LRRC73: variants seen among roughly 807,000 people sequenced by gnomAD.
The protein encoded by LRRC73 is leucine-rich repeat-containing protein 73.
LRRC73 carries 16 observed loss-of-function variants against 26.4 expected under a neutral mutation model. The ratio of observed to expected loss-of-function variants is 0.61; its 90% CI spans 0.41 to 0.92. The LOEUF (loss-of-function observed/expected upper bound fraction) is 0.92. Ranked by LOEUF, LRRC73 falls within the 40% of genes least tolerant of loss-of-function variation. LRRC73 has a pLI of 0.00. For missense variants in LRRC73, 344 were observed against 416.3 expected (o/e 0.83, Z 1.51); for synonymous variants, 210 against 179.8 (o/e 1.17, Z -1.34).
chr6:43,507,716 T>C, intron 4 of LRRC73, 38 bp from the exon 5 acceptor site: 1 of 1,604,868 alleles, frequency 6.2e-7, no homozygotes, highest in Non-Finnish European at 8.5e-7. Context: ...ATGAACACAG[T>C]TAAGGCAGGT....
intron 3 of LRRC73, 61 bp downstream of exon 3, chr6:43,508,237 C>T (rs894298842): frequency 3.2e-6 from 5 of 1,548,158 alleles, no homozygotes; most frequent in African/African-American, 2.7e-5. Context: ...AACTGATGGT[C>T]CCAGGCTCTT....
At position 43,509,038 on chromosome 6, in the gene LRRC73, G is replaced by A. The variant is rs113044576; in HGVS notation, c.273-118C>T. The A allele has an allele frequency of 1.7e-4, 178 of 1,051,726 alleles. 2 individuals are homozygous for A. In the African/African-American group the frequency reaches 2.5e-3, roughly 15 times the overall value. The allele number at this position is 1,051,726 out of a possible 1,614,324, so 65.1% of individuals were successfully genotyped here. Reference sequence around the variant, plus strand: ...GGAGGGCAGTCACAGCGCTTGAGAGGCCTGGAAAAGGAGAAGGAAAGTTCT... The same window carrying A: ...GGAGGGCAGTCACAGCGCTTGAGAGACCTGGAAAAGGAGAAGGAAAGTTCT... On this transcript the variant is annotated intron_variant, in intron 1 of 5. Coordinates refer to ENST00000372441, the Ensembl canonical transcript of LRRC73.
At chr6:43,507,090 T>G (rs1362617414) in exon 6 of LRRC73, 4 of 787,838 alleles carry the variant, frequency 5.1e-6, no homozygotes, top group Non-Finnish European at 8.3e-6. Context: ...CAGAGCTTCC[T>G]TCCCACCACA....
chr6:43,507,067 C>CA (rs1792511876), exon 6 of LRRC73: 1 of 676,736 alleles, frequency 1.5e-6, no homozygotes, highest in African/African-American at 1.8e-5. Flanking sequence ...GGCTGTTGCT[C>CA]AGTCACAGCT....
intron 5 of LRRC73, 34 bp from the exon 6 acceptor site, chr6:43,507,342 T>A (rs370203340): frequency 6.2e-7 from 1 of 1,612,666 alleles, no homozygotes; most frequent in Non-Finnish European, 8.5e-7. Flanking sequence ...CAGACCACCA[T>A]TCCTTCCTCC....
chr6:43,510,299 A>C (rs974660627), exon 1 of LRRC73: 1 of 152,896 alleles, frequency 6.5e-6, no homozygotes, highest in Non-Finnish European at 1.5e-5. Context: ...GCTGGCAGAG[A>C]GAGCCTGAGG....
At chr6:43,508,762 G>C (rs575079525) in exon 2 of LRRC73, 4 of 1,608,392 alleles carry the variant, frequency 2.5e-6, no homozygotes, top group South Asian at 1.1e-5. Flanking sequence ...CTGCTCACCA[G>C]ATTTGGCCCC....
chr6:43,508,684 C>A, intron 2 of LRRC73, 76 bp downstream of exon 2: 2 of 1,518,580 alleles, frequency 1.3e-6, no homozygotes, highest in South Asian at 2.5e-5. Flanking sequence ...AGCTCTGGGG[C>A]CACACCCCCT....
At chr6:43,510,339 C>T (rs1286723131) in exon 1 of LRRC73, 3 of 152,478 alleles carry the variant, frequency 2.0e-5, no homozygotes, top group African/African-American at 7.2e-5. Context: ...CCGGCTCCAG[C>T]TCCAGAGAGC....
At chr6:43,507,364 CAGAT>C (rs1792524375) in intron 5 of LRRC73, 56 bp from the exon 6 acceptor site, 14 of 1,610,430 alleles carry the variant, frequency 8.7e-6, no homozygotes, top group Non-Finnish European at 1.2e-5. Context: ...ATGGGGACCA[CAGAT>C]AGGTGAGAGC....
exon 1 of LRRC73, chr6:43,509,873 G>T: frequency 8.1e-7 from 1 of 1,229,780 alleles, no homozygotes; most frequent in Non-Finnish European, 1.0e-6. Flanking sequence ...CGGGGTCGGG[G>T]CCCCGGCAGG....
chr6:43,509,788 T>G (rs1198380825), exon 1 of LRRC73: 2 of 1,526,766 alleles, frequency 1.3e-6, no homozygotes, highest in Non-Finnish European at 1.7e-6. Context: ...GGCAGCATCG[T>G]GCCCACGGCT....
exon 1 of LRRC73, chr6:43,509,519 G>A (rs1403524480): frequency 6.2e-7 from 1 of 1,607,644 alleles, no homozygotes; most frequent in South Asian, 1.1e-5. Context: ...CTCACAAGAG[G>A]GACTGGATGG....
At chr6:43,508,058 G>A in intron 3 of LRRC73, 132 bp from the exon 4 acceptor site, 1 of 1,006,312 alleles carries the variant, frequency 9.9e-7, no homozygotes, top group Non-Finnish European at 1.5e-6. Flanking sequence ...TGGTGGTCAG[G>A]AAGGGATCAT....
Position 43,509,013 on chromosome 6 carries a change from G to A in LRRC73, c.273-93C>T. ...TCACTTCTGTCAGCCCTAGGTATGG[G>A]GAGGGCAGTCACAGCGCTTGAGAGG... On this transcript the variant is annotated intron_variant, in intron 1 of 5. Coordinates refer to ENST00000372441, the Ensembl canonical transcript of LRRC73. The A allele has an allele frequency of 3.0e-6, 4 of 1,338,056 alleles. No homozygotes were observed. The South Asian group carries it at 6.7e-5, about 22-fold the overall frequency. The allele number at this position is 1,338,056 out of a possible 1,614,324, so 82.9% of individuals were successfully genotyped here. A position where few individuals can be genotyped will look rare whatever the true frequency, so the allele number is the denominator to read the frequency against.
exon 1 of LRRC73, chr6:43,509,770 T>G (rs1792607957): frequency 6.3e-7 from 1 of 1,579,240 alleles, no homozygotes; most frequent in East Asian, 2.2e-5. Context: ...GAAATCTGGA[T>G]GGAGCTGGGC....
chr6:43,507,647 G>A (rs760703983), exon 5 of LRRC73: 2 of 1,614,170 alleles, frequency 1.2e-6, no homozygotes, highest in Non-Finnish European at 1.7e-6. Flanking sequence ...CCGCAAAGCT[G>A]TGGGGTAATT....
At chr6:43,509,719 G>A (rs1247210539) in exon 1 of LRRC73, 5 of 1,591,404 alleles carry the variant, frequency 3.1e-6, no homozygotes, top group African/African-American at 1.3e-5. Context: ...CGAAGGCCGC[G>A]GCAGATGTCC....
chr6:43,507,327 G>C lies in LRRC73; in HGVS notation c.881-19C>G. The C allele has an allele frequency of 1.2e-6, 2 of 1,613,858 alleles. No individual in the cohort carries two copies. The highest frequency in any genetic ancestry group is 3.3e-5 in the Admixed American group (2 of 60,018). On this transcript the variant is annotated intron_variant, in intron 5 of 5. Coordinates refer to ENST00000372441, the Ensembl canonical transcript of LRRC73. The stretch of plus-strand genomic sequence containing the variant: ...CTGGGATCTGTGGAAGGGCAGAGAA[G>C]TGTTCAGACCACCATTCCTTCCTCC...
Sources: allele counts gnomAD v4.1 joint callset, GRCh38; gene constraint gnomAD v4.1.1; transcripts MANE v1.5; gene names NCBI Gene and HGNC (gene_info 2026-07-23, HGNC 2026-07-21).